TNS1: variants seen among roughly 807,000 people sequenced by gnomAD.
TNS1 encodes tensin 1, also known as tensin-1.
In TNS1, 62 loss-of-function variants were observed where a neutral mutation model predicts 168.6. The ratio of observed to expected loss-of-function variants is 0.37; its 90% CI spans 0.30 to 0.45. The LOEUF is 0.45. Ranked by LOEUF, TNS1 falls within the 20% of genes least tolerant of loss-of-function variation. The pLI is 1.00. For synonymous variants in TNS1, 934 were observed against 933.2 expected, an observed-to-expected ratio of 1.00 and a Z score of -0.02; for missense variants, 2,240 against 2,339.4, an observed-to-expected ratio of 0.96 and a Z score of 0.88.
chr2:217,817,738 C>T lies in TNS1; in HGVS notation c.4594G>A (p.Val1532Ile), dbSNP rs151105778. ...TCGGGCAGAGTGTGGGAGAAGGAGA[C>T]GGTGCTGCCCCCACTGGGACTGGAC... Reference protein sequence around the residue: ...GMSSPSGGSTVSFSHTLPDFS... With the variant: ...GMSSPSGGSTISFSHTLPDFS... Residue 1532 changes from valine to isoleucine, a missense_variant, in exon 24 of 33, where the codon GTC becomes ATC. By Grantham distance (29) the Val-to-Ile change is conservative. This residue lies in a region of TNS1 where 2,131 missense variants were observed against 2,171.2 expected (regional missense o/e 0.98). Coordinates refer to ENST00000682258, the MANE Select transcript of TNS1 (RefSeq NM_001387777.1). 4.3e-4 allele frequency: 691 copies of T among 1,609,022 alleles called. 12 individuals carry two copies. The South Asian group carries it at 6.4e-3, about 15-fold the overall frequency.
In TNS1 at chr2:217,848,438, C is replaced by G. The variant is rs1489190910; in HGVS notation, c.2079G>C (p.Gly693=). The G allele has an allele frequency of 6.2e-7, 1 of 1,610,620 alleles. No individual in the cohort carries two copies. Among genetic ancestry groups the G allele is most frequent in the South Asian group, 1.1e-5 (1 of 90,532 alleles). ...GGGCCGTGTGGCCAGCATGGGCAGG[C>G]CCCGCCCGGCTGGCAGACTCGTAGG... ...GYPYESASRA[G]PAHAGHTAPM... is the part of the protein sequence containing the mutation. Residue 693 remains glycine, a synonymous_variant, in exon 19 of 33, where the codon GGG becomes GGC. Coordinates refer to ENST00000682258, the MANE Select transcript of TNS1 (RefSeq NM_001387777.1).
chr2:217,896,584 G>A (rs940829040), intron 8 of TNS1, among the ~76,000 whole-genome samples: 7 of 152,152 alleles, frequency 4.6e-5, no homozygotes, highest in South Asian at 2.1e-4. Flanking sequence ...GCATGGCCCC[G>A]TCAACACCTT....
chr2:217,963,311 G>C (rs552371910), intron 3 of TNS1, among the ~76,000 whole-genome samples: 6 of 152,268 alleles, frequency 3.9e-5, no homozygotes, highest in East Asian at 1.9e-4. Context: ...TCCGGCACGG[G>C]GTCATCACCT....
At chr2:217,838,520 C>A (rs1244614002) in intron 19 of TNS1, among the ~76,000 whole-genome samples, 1 of 152,234 alleles carries the variant, frequency 6.6e-6, no homozygotes, top group African/African-American at 2.4e-5. Context: ...GGAATGACCT[C>A]CAAAGAGCTA....
chr2:217,825,330 C>T (rs1943457877), intron 22 of TNS1, among the ~76,000 whole-genome samples: 1 of 152,074 alleles, frequency 6.6e-6, no homozygotes, highest in Non-Finnish European at 1.5e-5. Flanking sequence ...TCCCTCTAGC[C>T]ACACTCCAGT....
In TNS1 at chr2:217,818,277, C is replaced by T. The variant is rs1440186075; in HGVS notation, c.4055G>A (p.Arg1352Gln). ...ATTPGSPSLC[R>Q]HPAGVYQVSG... ...AACCTGGTAGACCCCTGCTGGGTGC[C>T]GACACAGGCTGGGGCTCCCCGGGGT... Residue 1352 changes from arginine to glutamine, a missense_variant, in exon 24 of 33, where the codon CGG becomes CAG. Physicochemically the swap from Arg to Gln is conservative, Grantham distance 43 (BLOSUM62 1). Coordinates refer to ENST00000682258, the MANE Select transcript of TNS1 (RefSeq NM_001387777.1). 6 of 1,613,404 alleles carry T rather than the reference C, an allele frequency of 3.7e-6. No individual in the cohort carries two copies. The highest frequency in any genetic ancestry group is 2.7e-5 in the African/African-American group (2 of 74,942).
In TNS1 at chr2:218,032,006, G is replaced by T. The variant is rs908818262; in HGVS notation, c.156+1814C>A. Among the ~76,000 whole-genome samples the T allele has an allele frequency of 2.0e-5, 3 of 152,238 alleles. No individual in the cohort carries two copies. Among genetic ancestry groups the T allele is most frequent in the Non-Finnish European group, 4.4e-5 (3 of 68,040 alleles). On this transcript the variant is annotated intron_variant, in intron 1 of 1. Coordinates refer to the TNS1 transcript ENST00000649572. The surrounding 1 kb of genome is among the most constrained non-coding windows in gnomAD (Gnocchi z 4.0). ...CAAGGAGGCACGACTGGCACCCGGAGATGCCCGCCAGGCCCCTTGGCACCC... is the reference window on the plus strand; with the variant it reads ...CAAGGAGGCACGACTGGCACCCGGATATGCCCGCCAGGCCCCTTGGCACCC...
chr2:217,807,980 T>C lies in TNS1; in HGVS notation c.5375+95A>G, dbSNP rs1027627857. ...ACAAAGGTTTTTGCTGCTCTTTCCCTACCCCCAGCCCTGGTTTCTAAATGT... is the reference window on the plus strand; with the variant it reads ...ACAAAGGTTTTTGCTGCTCTTTCCCCACCCCCAGCCCTGGTTTCTAAATGT... On this transcript the variant is annotated intron_variant, in intron 32 of 32. Coordinates refer to ENST00000682258, the MANE Select transcript of TNS1 (RefSeq NM_001387777.1). The C allele has an allele frequency of 3.4e-6, 5 of 1,468,172 alleles. No homozygotes were observed. In the African/African-American group the frequency reaches 5.6e-5, roughly 16 times the overall value. 90.9% of individuals were successfully genotyped at this position (1,468,172 alleles called of 1,614,324 possible).
chr2:217,835,490 C>A (rs1306136381), intron 20 of TNS1, among the ~76,000 whole-genome samples: 1 of 152,198 alleles, frequency 6.6e-6, no homozygotes, highest in East Asian at 1.9e-4. Flanking sequence ...GGGTCCCATC[C>A]AGATCTACTA....
chr2:217,862,849 G>A (rs1948909657), intron 18 of TNS1, among the ~76,000 whole-genome samples: 1 of 152,332 alleles, frequency 6.6e-6, no homozygotes, highest in South Asian at 2.1e-4. Flanking sequence ...AGGTCTAGCT[G>A]TGCGAGGAAA....
At chr2:217,805,578 A>C (rs1196927995) in intron 32 of TNS1, among the ~76,000 whole-genome samples, 1 of 39,298 alleles carries the variant, frequency 2.5e-5, no homozygotes, top group Admixed American at 2.4e-4. Flanking sequence ...CACACACCAC[A>C]CACACAACAC....
intron 3 of TNS1, among the ~76,000 whole-genome samples, chr2:217,930,594 G>A (rs1381615601): frequency 1.3e-5 from 2 of 152,210 alleles, no homozygotes; most frequent in Non-Finnish European, 2.9e-5. Context: ...GTGTAGGGCT[G>A]GAGCCCGAGA....
chr2:217,813,203 G>A lies in TNS1; in HGVS notation c.4954+12C>T. On this transcript the variant is annotated intron_variant, in intron 27 of 32. Coordinates refer to ENST00000682258, the MANE Select transcript of TNS1 (RefSeq NM_001387777.1). This position sits in a 1 kb window ranked among gnomAD's most constrained non-coding sequence, Gnocchi z 4.0. ...GCCAGACTGTAGAGATGGGGGCAGG[G>A]GGACAGCTCACCGAAGTTTGGCTCA... 1.3e-5 allele frequency: 20 copies of A among 1,593,042 alleles called. No individual in the cohort carries two copies. The highest frequency in any genetic ancestry group is 1.7e-5 in the Non-Finnish European group (20 of 1,166,930).
chr2:217,952,606 G>A (rs1445083700), intron 3 of TNS1, among the ~76,000 whole-genome samples: 4 of 152,220 alleles, frequency 2.6e-5, no homozygotes, highest in South Asian at 2.1e-4. Context: ...CACCAAGATG[G>A]CAGTCCCCAA....
chr2:217,909,926 A>T (rs1364387224), intron 4 of TNS1, among the ~76,000 whole-genome samples: 2 of 152,232 alleles, frequency 1.3e-5, no homozygotes, highest in Non-Finnish European at 2.9e-5. Context: ...GATCAAATGC[A>T]ATAAAGCACA....
intron 3 of TNS1, among the ~76,000 whole-genome samples, chr2:217,966,655 G>T (rs2126017497): frequency 6.6e-6 from 1 of 152,304 alleles, no homozygotes; most frequent in East Asian, 1.9e-4. Flanking sequence ...GACAGGGCAG[G>T]AGTATGCTGA....
In TNS1 at chr2:217,816,257, A is replaced by G. The variant is rs187776089; in HGVS notation, c.4643-1259T>C. ...CTTCCTTCAGCTTTTGGCACCAAAG[A>G]AAACACAAAAAGGGAGGGAGAACAG... On this transcript the variant is annotated intron_variant, in intron 24 of 32. Transcript: ENST00000682258. Among the ~76,000 whole-genome samples, 216 of 152,296 alleles carry G rather than the reference A, an allele frequency of 1.4e-3. 2 individuals carry two copies. Among genetic ancestry groups the G allele is most frequent in the African/African-American group, 5.0e-3 (208 of 41,566 alleles).
At chr2:217,910,907 A>G (rs1374841444) in intron 4 of TNS1, among the ~76,000 whole-genome samples, 1 of 152,124 alleles carries the variant, frequency 6.6e-6, no homozygotes, top group Non-Finnish European at 1.5e-5. Context: ...GGTTTGTGGC[A>G]TGGCTGGAGC....
intron 28 of TNS1, 68 bp downstream of exon 28, chr2:217,812,300 C>T (rs1017823564): frequency 1.4e-6 from 2 of 1,390,064 alleles, no homozygotes; most frequent in South Asian, 2.5e-5. Flanking sequence ...GAGTGGCTGG[C>T]AGGATCAAGA....
Sources: allele counts gnomAD v4.1 joint callset (sites outside exome capture counted in the v4.1 genomes callset), GRCh38; gene constraint gnomAD v4.1.1; regional missense constraint gnomAD v4.1.1; non-coding constraint Gnocchi (gnomAD v3.1); transcripts MANE v1.5; gene names NCBI Gene and HGNC (gene_info 2026-07-23, HGNC 2026-07-21).